DPYD: variants seen among roughly 807,000 people sequenced by gnomAD.
DPYD encodes dihydropyrimidine dehydrogenase [NADP(+)].
In DPYD, 109 loss-of-function variants were observed where a neutral mutation model predicts 116.2. That is an observed-to-expected ratio of 0.94 (90% confidence interval 0.80 to 1.10). The LOEUF is 1.10. DPYD is among the 50% of genes least tolerant of loss of function. DPYD has a pLI of 0.00. For synonymous variants in DPYD, 440 were observed against 432.0 expected, an observed-to-expected ratio of 1.02 and a Z score of -0.23; for missense variants, 1,302 against 1,254.5, an observed-to-expected ratio of 1.04 and a Z score of -0.57.
intron 8 of DPYD, among the ~76,000 whole-genome samples, chr1:97,598,222 C>T (rs1235741888): frequency 3.3e-5 from 5 of 151,794 alleles, no homozygotes. Context: ...ATGAGGCAAC[C>T]TTAAGTGAAA....
At chr1:97,401,228 T>C (rs1321885838) in intron 14 of DPYD, among the ~76,000 whole-genome samples, 3 of 152,130 alleles carry the variant, frequency 2.0e-5, no homozygotes, top group Non-Finnish European at 4.4e-5. Flanking sequence ...CTTTCTCCAA[T>C]GCATCTTTTA....
intron 9 of DPYD, 133 bp downstream of exon 9, chr1:97,594,926 A>C: frequency 1.7e-6 from 1 of 588,252 alleles, no homozygotes; most frequent in South Asian, 1.9e-5. Flanking sequence ...TTTTTTTTTA[A>C]TTTTACATTT....
chr1:97,151,556 T>C (rs1021702497), intron 20 of DPYD, among the ~76,000 whole-genome samples: 4 of 152,052 alleles, frequency 2.6e-5, no homozygotes, highest in Non-Finnish European at 5.9e-5. Context: ...GCGCCTGTAA[T>C]CCCAGCTACT....
At chr1:97,421,618 T>C (rs1477302658) in intron 14 of DPYD, among the ~76,000 whole-genome samples, 2 of 152,176 alleles carry the variant, frequency 1.3e-5, no homozygotes, top group African/African-American at 4.8e-5. Context: ...GTATTGTATG[T>C]GCTTTAGTTT....
intron 13 of DPYD, 32 bp downstream of exon 13, chr1:97,515,694 A>G (rs1267968234): frequency 1.9e-6 from 3 of 1,586,154 alleles, no homozygotes; most frequent in East Asian, 2.2e-5. Flanking sequence ...TATGATAGAC[A>G]TTTCTATATG....
At chr1:97,446,563 T>C (rs1340479598) in intron 14 of DPYD, among the ~76,000 whole-genome samples, 3 of 152,296 alleles carry the variant, frequency 2.0e-5, no homozygotes, top group South Asian at 2.1e-4. Flanking sequence ...ATATCAATTG[T>C]TCTTCCTTAT....
At chr1:97,226,933 G>C (rs1038374418) in intron 19 of DPYD, among the ~76,000 whole-genome samples, 1 of 152,100 alleles carries the variant, frequency 6.6e-6, no homozygotes, top group Non-Finnish European at 1.5e-5. Context: ...TCTTGTCAAA[G>C]CATGTTACAG....
Position 97,384,073 on chromosome 1 carries a change from C to A in DPYD, c.1906-1612G>T, listed in dbSNP as rs1157207742. On this transcript the variant is annotated intron_variant, in intron 14 of 22. Coordinates refer to ENST00000370192, the MANE Select transcript of DPYD (RefSeq NM_000110.4). ...ACAGGGAGGTATGATTGCATTACTG[C>A]ACTCCGGCCTGGGCAACAGAGCGAG... Among the ~76,000 whole-genome samples, 4 of 152,062 alleles carry A rather than the reference C, an allele frequency of 2.6e-5. No individual in the cohort carries two copies. In the East Asian group the frequency reaches 7.7e-4, roughly 29 times the overall value.
intron 3 of DPYD, chr1:97,797,106 C>T (rs1447551007): frequency 3.3e-5 from 5 of 152,032 alleles, no homozygotes; most frequent in African/African-American, 7.2e-5. Context: ...TATTTTACAA[C>T]AGAGTCTTAT....
chr1:97,433,936 C>T (rs764076286), intron 14 of DPYD, among the ~76,000 whole-genome samples: 5 of 152,146 alleles, frequency 3.3e-5, no homozygotes, highest in South Asian at 4.1e-4. Flanking sequence ...TTATTGTACA[C>T]GTAGCCATTC....
chr1:97,192,932 A>G, intron 20 of DPYD, 137 bp downstream of exon 20: 3 of 940,782 alleles, frequency 3.2e-6, no homozygotes, highest in Middle Eastern at 3.0e-4. Flanking sequence ...TCTCCTTCAG[A>G]AAGAGTCCAC....
chr1:97,111,573 G>C (rs1369054522), intron 20 of DPYD, among the ~76,000 whole-genome samples: 1 of 151,712 alleles, frequency 6.6e-6, no homozygotes, highest in Non-Finnish European at 1.5e-5. Flanking sequence ...CACCTCCTCA[G>C]AGAGGCACTC....
intron 7 of DPYD, among the ~76,000 whole-genome samples, chr1:97,688,846 A>T (rs1042988625): frequency 6.6e-6 from 1 of 151,976 alleles, no homozygotes; most frequent in African/African-American, 2.4e-5. Context: ...AGAAATAAAC[A>T]TGATGCCAAA....
intron 16 of DPYD, among the ~76,000 whole-genome samples, chr1:97,365,318 C>T (rs187802435): frequency 6.6e-5 from 10 of 152,288 alleles, no homozygotes; most frequent in African/African-American, 2.4e-4. Flanking sequence ...CTTGGTGTCC[C>T]ACCTTGTCTC....
At chr1:97,127,409 T>C (rs1257492343) in intron 20 of DPYD, among the ~76,000 whole-genome samples, 1 of 152,042 alleles carries the variant, frequency 6.6e-6, no homozygotes, top group Non-Finnish European at 1.5e-5. Context: ...CTGTGCAGAG[T>C]TGTACATCTC....
chr1:97,888,197 G>C (rs1395816354), intron 1 of DPYD, among the ~76,000 whole-genome samples: 1 of 151,948 alleles, frequency 6.6e-6, no homozygotes, highest in Non-Finnish European at 1.5e-5. Flanking sequence ...AGGCATTCTG[G>C]TCTTGAAAAA....
intron 14 of DPYD, among the ~76,000 whole-genome samples, chr1:97,414,786 A>G (rs1674200417): frequency 6.6e-6 from 1 of 152,240 alleles, no homozygotes; most frequent in Non-Finnish European, 1.5e-5. Context: ...GCGTCCTAGC[A>G]GTAAGCAGTA....
intron 3 of DPYD, among the ~76,000 whole-genome samples, chr1:97,766,985 A>T (rs771002620): frequency 2.0e-5 from 3 of 152,188 alleles, no homozygotes; most frequent in Admixed American, 1.3e-4. Context: ...TAAACAGGGA[A>T]GTTACTCCCA....
chr1:97,537,930 G>C (rs1287376908), intron 12 of DPYD, among the ~76,000 whole-genome samples: 1 of 152,186 alleles, frequency 6.6e-6, no homozygotes, highest in Non-Finnish European at 1.5e-5. Flanking sequence ...AACTGGGCGT[G>C]GTGGCATATG....
Sources: gnomAD v4.1 joint callset for allele counts (sites outside exome capture counted in the v4.1 genomes callset) on GRCh38, gnomAD v4.1.1 for gene constraint, MANE v1.5 for transcripts, NCBI Gene and HGNC (gene_info 2026-07-23, HGNC 2026-07-21) for gene names.